KSR2: variants seen among roughly 807,000 people sequenced by gnomAD.
KSR2 encodes the protein kinase suppressor of ras 2.
In KSR2, 25 loss-of-function variants were observed where a neutral mutation model predicts 107.8. That is an observed-to-expected ratio of 0.23 (90% CI 0.17 to 0.32). The LOEUF (loss-of-function observed/expected upper bound fraction) is 0.32. Ranked by LOEUF, KSR2 falls within the 10% of genes least tolerant of loss-of-function variation. The pLI is 1.00. For missense variants in KSR2, 887 were observed against 1,268.9 expected (o/e 0.70, Z 4.57); for synonymous variants, 480 against 507.0 (o/e 0.95, Z 0.71).
intron 5 of KSR2, among the ~76,000 whole-genome samples, chr12:117,636,024 T>C (rs2136387522): frequency 6.6e-6 from 1 of 152,306 alleles, no homozygotes; most frequent in East Asian, 1.9e-4. Flanking sequence ...ACTCCTGACC[T>C]CAGGTAATTC....
chr12:117,468,657 G>T (rs755416644), intron 19 of KSR2, among the ~76,000 whole-genome samples: 4 of 152,130 alleles, frequency 2.6e-5, no homozygotes, highest in Admixed American at 1.3e-4. Flanking sequence ...GTATCTGTGG[G>T]TACTGCTTGT....
In KSR2 at chr12:117,514,526, T is replaced by TTCTC. The variant is rs540321556; in HGVS notation, c.2219+10322_2219+10325dup. On this transcript the variant is annotated intron_variant, in intron 14 of 19. Coordinates refer to ENST00000339824, the MANE Select transcript of KSR2 (RefSeq NM_173598.6). ...AAAGGTCCTTTAAGATGTCTTTGGT[T>TTCTC]TCTCTCTCTCTCTCTCTCTTTTTTT... Among the ~76,000 whole-genome samples the TTCTC allele has an allele frequency of 8.9e-5, 13 of 145,420 alleles. No homozygotes were observed. The East Asian group carries it at 1.1e-3, about 12-fold the overall frequency.
At chr12:117,682,136 G>C (rs1885388569) in intron 4 of KSR2, among the ~76,000 whole-genome samples, 1 of 152,150 alleles carries the variant, frequency 6.6e-6, no homozygotes, top group South Asian at 2.1e-4. Context: ...GACTGAGCTG[G>C]AAGCCATTAT....
chr12:117,739,188 T>C (rs868439069), intron 4 of KSR2, among the ~76,000 whole-genome samples: 1 of 152,094 alleles, frequency 6.6e-6, no homozygotes, highest in South Asian at 2.1e-4. Flanking sequence ...ACCCCGTCTC[T>C]ACTAAAAATA....
intron 14 of KSR2, among the ~76,000 whole-genome samples, chr12:117,499,714 T>A (rs571264916): frequency 3.7e-4 from 56 of 152,386 alleles, no homozygotes; most frequent in African/African-American, 1.3e-3. Context: ...AATAACACTC[T>A]TGGCTCAGGA....
At chr12:117,956,054 T>A (rs557257450) in intron 1 of KSR2, among the ~76,000 whole-genome samples, 163 of 150,776 alleles carry the variant, frequency 1.1e-3, no homozygotes, top group African/African-American at 3.8e-3. Context: ...ATCGAGACCA[T>A]CCTGGCTAAC....
chr12:117,682,337 A>G (rs1005297997), intron 4 of KSR2, among the ~76,000 whole-genome samples: 6 of 152,116 alleles, frequency 3.9e-5, no homozygotes, highest in African/African-American at 9.7e-5. Context: ...CTAGGTGATG[A>G]GTTGATAGGT....
At chr12:117,580,758 A>G (rs1879603621) in intron 6 of KSR2, among the ~76,000 whole-genome samples, 1 of 152,124 alleles carries the variant, frequency 6.6e-6, no homozygotes, top group African/African-American at 2.4e-5. Context: ...CTTAGGGACT[A>G]CCAGAGAGCC....
chr12:117,603,951 A>G (rs371921751), intron 5 of KSR2, among the ~76,000 whole-genome samples: 1 of 152,202 alleles, frequency 6.6e-6, no homozygotes, highest in East Asian at 1.9e-4. Flanking sequence ...AAAGCAACCA[A>G]CTAACATTTC....
chr12:117,717,052 A>G (rs1425869854), intron 4 of KSR2, among the ~76,000 whole-genome samples: 8 of 152,196 alleles, frequency 5.3e-5, no homozygotes, highest in African/African-American at 1.9e-4. Context: ...GAAGCTGAGG[A>G]GTTTGGCAAG....
At chr12:117,869,548 T>C (rs1445930726) in intron 1 of KSR2, among the ~76,000 whole-genome samples, 1 of 152,226 alleles carries the variant, frequency 6.6e-6, no homozygotes, top group Non-Finnish European at 1.5e-5. Context: ...TACAGATCTA[T>C]TGAAACTCTG....
intron 7 of KSR2, among the ~76,000 whole-genome samples, chr12:117,563,501 CT>C (rs1368589301): frequency 1.3e-5 from 2 of 152,162 alleles, no homozygotes; most frequent in African/African-American, 4.8e-5. Flanking sequence ...CAATTGTAGC[CT>C]CTTGCCTCTC....
intron 4 of KSR2, among the ~76,000 whole-genome samples, chr12:117,710,858 A>C (rs1886744392): frequency 6.6e-6 from 1 of 151,872 alleles, no homozygotes; most frequent in Admixed American, 6.6e-5. Context: ...ATCCATGTCG[A>C]CCTTCTTTCA....
intron 3 of KSR2, among the ~76,000 whole-genome samples, chr12:117,853,070 T>C (rs2137214993): frequency 6.6e-6 from 1 of 152,308 alleles, no homozygotes; most frequent in Non-Finnish European, 1.5e-5. Flanking sequence ...CCTAAAGTGC[T>C]GGGATTATAG....
At chr12:117,527,023 T>C in intron 13 of KSR2, 48 bp downstream of exon 13, 1 of 1,566,400 alleles carries the variant, frequency 6.4e-7, no homozygotes, top group Non-Finnish European at 8.8e-7. Flanking sequence ...TTTGCCAAGT[T>C]CTGGGCAGTC....
intron 7 of KSR2, among the ~76,000 whole-genome samples, chr12:117,570,730 T>C (rs1292308396): frequency 6.6e-6 from 1 of 152,238 alleles, no homozygotes; most frequent in African/African-American, 2.4e-5. Flanking sequence ...TATCGGGGCA[T>C]GAACATATCT....
intron 1 of KSR2, among the ~76,000 whole-genome samples, chr12:117,919,562 T>A (rs1392616878): frequency 6.6e-6 from 1 of 152,236 alleles, no homozygotes; most frequent in Non-Finnish European, 1.5e-5. Flanking sequence ...AACAGCTAAA[T>A]AAACTATGGA....
At chr12:117,648,137 A>G (rs1023703021) in intron 5 of KSR2, among the ~76,000 whole-genome samples, 1 of 152,188 alleles carries the variant, frequency 6.6e-6, no homozygotes. Flanking sequence ...GATGGTTTTT[A>G]TAAAAAACAT....
intron 14 of KSR2, among the ~76,000 whole-genome samples, chr12:117,508,797 T>C (rs574390424): frequency 6.7e-6 from 1 of 149,076 alleles, no homozygotes; most frequent in East Asian, 2.0e-4. Flanking sequence ...GCTGGATAGG[T>C]GGTTAGTGGG....
Sources: allele counts gnomAD v4.1 joint callset (sites outside exome capture counted in the v4.1 genomes callset), GRCh38; gene constraint gnomAD v4.1.1; transcripts MANE v1.5; gene names NCBI Gene and HGNC (gene_info 2026-07-23, HGNC 2026-07-21).